FBXL5: variants seen among roughly 807,000 people sequenced by gnomAD.
FBXL5 encodes the protein F-box and leucine rich repeat protein 5.
In FBXL5, 26 loss-of-function variants were observed where a neutral mutation model predicts 78.3. The ratio of observed to expected loss-of-function variants is 0.33; its 90% confidence interval spans 0.24 to 0.46. The LOEUF (loss-of-function observed/expected upper bound fraction) is 0.46, where lower values mean the gene tolerates loss of function less well. Ranked by LOEUF, FBXL5 falls within the 20% of genes least tolerant of loss-of-function variation. The probability of loss-of-function intolerance (pLI) is 1.00; values close to 1 mark genes in which losing one functional copy is unlikely to be tolerated. For missense variants in FBXL5, 710 were observed against 829.2 expected (o/e 0.86, Z 1.77); for synonymous variants, 295 against 282.5 (o/e 1.04, Z -0.45).
intron 1 of FBXL5, among the ~76,000 whole-genome samples, chr4:15,645,512 C>A (rs951664195): frequency 2.6e-5 from 4 of 152,138 alleles, no homozygotes; most frequent in African/African-American, 9.7e-5. Flanking sequence ...ACTGCAGACT[C>A]TGCCTCCTGG....
chr4:15,621,192 G>A lies in FBXL5; in HGVS notation c.1850+4060C>T, dbSNP rs138133188. ...TAAATTATCTGTCTGTAGATGGCAC[G>A]ACCTTATATGTAGAAAACCCTAATG... On this transcript the variant is annotated intron_variant, in intron 9 of 10. Transcript: ENST00000341285. Among the ~76,000 whole-genome samples, 404 of 152,100 alleles carry A rather than the reference G, an allele frequency of 2.7e-3. 18 individuals carry two copies. The highest frequency in any genetic ancestry group is 0.021 in the Admixed American group (313 of 15,260).
At chr4:15,655,103 C>T in intron 1 of FBXL5, 101 bp downstream of exon 1, 2 of 949,302 alleles carry the variant, frequency 2.1e-6, no homozygotes, top group Non-Finnish European at 2.7e-6. Flanking sequence ...GGCGACGGCA[C>T]GGGGCTGCGG....
At chr4:15,640,386 C>T (rs1292186027) in intron 3 of FBXL5, among the ~76,000 whole-genome samples, 1 of 97,230 alleles carries the variant, frequency 1.0e-5, no homozygotes, top group African/African-American at 4.0e-5. Flanking sequence ...TACTAAACTA[C>T]ACTACTGAAA....
chr4:15,625,070 A>C (rs1442473759), intron 9 of FBXL5, among the ~76,000 whole-genome samples, 182 bp downstream of exon 9: 4 of 152,256 alleles, frequency 2.6e-5, no homozygotes, highest in Non-Finnish European at 4.4e-5. Context: ...AACTGACAGA[A>C]ATGAAACTTC....
At chr4:15,621,129 G>A (rs188326464) in intron 9 of FBXL5, among the ~76,000 whole-genome samples, 11 of 152,252 alleles carry the variant, frequency 7.2e-5, no homozygotes, top group African/African-American at 2.4e-4. Flanking sequence ...CTCCCCGACC[G>A]AGCTGGTCTC....
intron 6 of FBXL5, among the ~76,000 whole-genome samples, chr4:15,629,961 T>C (rs2148592919): frequency 6.6e-6 from 1 of 152,294 alleles, no homozygotes; most frequent in African/African-American, 2.4e-5. Flanking sequence ...TTAATAATTA[T>C]TATCTAGAAT....
chr4:15,630,639 A>T, intron 6 of FBXL5, 27 bp downstream of exon 6: 1 of 1,519,224 alleles, frequency 6.6e-7, no homozygotes, highest in Non-Finnish European at 8.7e-7. Context: ...AACACTATGT[A>T]ATAATTTTAA....
At chr4:15,658,226 A>G (rs560251474), upstream of FBXL5, among the ~76,000 whole-genome samples, 1 of 152,376 alleles carries the variant, frequency 6.6e-6, no homozygotes, top group Non-Finnish European at 1.5e-5. Flanking sequence ...AAAACAAGCA[A>G]TGAAAGAATG....
intron 1 of FBXL5, among the ~76,000 whole-genome samples, chr4:15,671,619 T>G (rs1717772627): frequency 6.6e-6 from 1 of 152,104 alleles, no homozygotes; most frequent in African/African-American, 2.4e-5. Context: ...CATATCTTCT[T>G]GAATCTGTGG....
At position 15,647,666 on chromosome 4, in the gene FBXL5, T is replaced by C. The variant is rs185282479; in HGVS notation, c.85-2958A>G. 4.6e-5 allele frequency among the ~76,000 whole-genome samples: 7 copies of C among 152,342 alleles called. No individual in the cohort carries two copies. In the South Asian group the frequency reaches 6.2e-4, roughly 14 times the overall value. On this transcript the variant is annotated intron_variant, in intron 1 of 10. Transcript: ENST00000341285. The stretch of plus-strand genomic sequence containing the variant: ...ACAGTCAAATTAACTATAGTAACTA[T>C]ATAAAGAGACTCTAAATTACAGGTA...
intron 5 of FBXL5, 109 bp downstream of exon 5, chr4:15,636,385 A>G: frequency 1.2e-6 from 1 of 863,052 alleles, no homozygotes; most frequent in Non-Finnish European, 1.6e-6. Context: ...TATAAAATCT[A>G]CTTTTTGATT....
chr4:15,616,974 C>T (rs1430440007), intron 9 of FBXL5, among the ~76,000 whole-genome samples: 1 of 152,206 alleles, frequency 6.6e-6, no homozygotes, highest in Non-Finnish European at 1.5e-5. Context: ...AAAAAAACAA[C>T]AGATGCTGGC....
Position 15,655,131 on chromosome 4 carries a change from C to G in FBXL5, c.84+73G>C, listed in dbSNP as rs1716713905. 7.4e-6 allele frequency: 9 copies of G among 1,213,434 alleles called. No homozygotes were observed. In the South Asian group the frequency reaches 1.8e-4, roughly 24 times the overall value. The allele number at this position is 1,213,434 out of a possible 1,614,324, so 75.2% of individuals were successfully genotyped here. Reference sequence around the variant, plus strand: ...GGCTGCGGGCGCGGCGCAGGCCAGGCCGCCCCAAGAACCCAGCCCGCTCCC... The same window carrying G: ...GGCTGCGGGCGCGGCGCAGGCCAGGGCGCCCCAAGAACCCAGCCCGCTCCC... On this transcript the variant is annotated intron_variant, in intron 1 of 10. Transcript: ENST00000341285.
At chr4:15,635,709 C>T (rs1269272752) in intron 5 of FBXL5, among the ~76,000 whole-genome samples, 1 of 149,052 alleles carries the variant, frequency 6.7e-6, no homozygotes, top group Non-Finnish European at 1.5e-5. Context: ...CCCAAGATCG[C>T]GCCATTGCAC....
chr4:15,612,245 C>T (rs1271083971), intron 10 of FBXL5, 21 bp downstream of exon 10: 5 of 1,476,552 alleles, frequency 3.4e-6, no homozygotes, highest in South Asian at 3.0e-5. Context: ...TCAAAATTAT[C>T]GCACTGTTAA....
intron 9 of FBXL5, among the ~76,000 whole-genome samples, chr4:15,617,247 A>C (rs1467474611): frequency 6.6e-6 from 1 of 152,246 alleles, no homozygotes; most frequent in Non-Finnish European, 1.5e-5. Flanking sequence ...TGGATAAAGA[A>C]AATGTGGTAC....
upstream of FBXL5, among the ~76,000 whole-genome samples, chr4:15,658,070 T>A (rs1172041786): frequency 2.6e-5 from 4 of 152,216 alleles, no homozygotes; most frequent in Non-Finnish European, 4.4e-5. Flanking sequence ...CTTATTCTGT[T>A]ATCAATAGGC....
At chr4:15,636,210 C>A (rs1409685621) in intron 5 of FBXL5, among the ~76,000 whole-genome samples, 2 of 152,124 alleles carry the variant, frequency 1.3e-5, no homozygotes, top group Non-Finnish European at 2.9e-5. Context: ...CCCCATGTAT[C>A]TATCACTTAT....
At chr4:15,675,572 ATT>A (rs60660814) in intron 1 of FBXL5, among the ~76,000 whole-genome samples, 43,333 of 96,354 alleles carry the variant, frequency 0.45, 7,146 homozygotes, top group Non-Finnish European at 0.46. Flanking sequence ...CAAAACTCCT[ATT>A]TTTTTTTTTT....
Sources: allele counts gnomAD v4.1 joint callset (sites outside exome capture counted in the v4.1 genomes callset), GRCh38; gene constraint gnomAD v4.1.1; transcripts MANE v1.5; gene names NCBI Gene and HGNC (gene_info 2026-07-23, HGNC 2026-07-21).